The following C2CD2 variants were observed in gnomAD, a reference collection of about 807,000 sequenced individuals.
The protein encoded by C2CD2 is C2 domain-containing protein 2.
C2CD2 carries 43 observed loss-of-function variants against 74.3 expected under a neutral mutation model. The observed-to-expected ratio is 0.58, with a 90% confidence interval of 0.45 to 0.75. The LOEUF (loss-of-function observed/expected upper bound fraction) is 0.75. C2CD2 is among the 30% of genes least tolerant of loss of function. C2CD2 has a pLI of 0.00. For missense variants in C2CD2, 801 were observed against 916.3 expected (o/e 0.87, Z 1.63); for synonymous variants, 422 against 390.7 (o/e 1.08, Z -0.94).
intron 2 of C2CD2, among the ~76,000 whole-genome samples, chr21:41,930,875 G>A (rs1258558524): frequency 6.7e-6 from 1 of 150,048 alleles, no homozygotes; most frequent in African/African-American, 2.4e-5. Context: ...CCCCAGGGAA[G>A]GGGTCATGAA....
At chr21:41,898,983 G>A (rs1266299741) in intron 13 of C2CD2, 70 bp downstream of exon 13, 1 of 1,200,990 alleles carries the variant, frequency 8.3e-7, no homozygotes, top group Non-Finnish European at 1.2e-6. Context: ...GATGACTTCA[G>A]CTTGGAAGCC....
intron 12 of C2CD2, 39 bp downstream of exon 12, chr21:41,901,583 A>C: frequency 6.2e-7 from 1 of 1,605,586 alleles, no homozygotes; most frequent in Non-Finnish European, 8.5e-7. Flanking sequence ...TCACTGACAG[A>C]TGACCAGATG....
chr21:41,909,162 C>T (rs1406489076), intron 8 of C2CD2, among the ~76,000 whole-genome samples: 1 of 152,184 alleles, frequency 6.6e-6, no homozygotes, highest in Admixed American at 6.5e-5. Flanking sequence ...AAGGAGGTCT[C>T]TTGGAGCTAA....
intron 4 of C2CD2, 31 bp downstream of exon 4, chr21:41,918,825 A>G: frequency 6.5e-7 from 1 of 1,543,538 alleles, no homozygotes; most frequent in Non-Finnish European, 9.0e-7. Context: ...TCTCACGCCA[A>G]TGGAAGAATC....
Position 41,889,219 on chromosome 21 carries a change from C to T in C2CD2, c.1996G>A (p.Gly666Ser), listed in dbSNP as rs776387613. 1.9e-6 allele frequency: 3 copies of T among 1,613,792 alleles called. No individual in the cohort carries two copies. Among genetic ancestry groups the T allele is most frequent in the Non-Finnish European group, 2.5e-6 (3 of 1,180,028 alleles). The stretch of plus-strand genomic sequence containing the variant: ...TTCAGGATCCTGGTGAGGGTGATGC[C>T]TTTCCTCCGGGAACCCTCTGGCTGC... ...LEQPEGSRRKGITLTRILNKK... is the reference protein window; with the variant it reads ...LEQPEGSRRKSITLTRILNKK... The change falls in exon 14 of 14, where the codon GGC (glycine) becomes AGC (serine). Residue 666 changes from glycine to serine, a missense_variant. By Grantham distance (56) the Gly-to-Ser change is moderately conservative (BLOSUM62 0). Coordinates refer to ENST00000380486, the MANE Select transcript of C2CD2 (RefSeq NM_015500.2).
chr21:41,929,343 C>G lies in C2CD2; in HGVS notation c.379-7258G>C, dbSNP rs1033310928. 6.6e-6 allele frequency among the ~76,000 whole-genome samples: 1 copy of G among 152,202 alleles called. No homozygotes were observed. Among genetic ancestry groups the G allele is most frequent in the African/African-American group, 2.4e-5 (1 of 41,442 alleles). ...GCTCTCATGAGAAGGGATACAAGCT[C>G]TATACCCAGGGCCTGGGCACACCTG... On this transcript the variant is annotated intron_variant, in intron 2 of 13. Transcript: ENST00000380486. The surrounding 1 kb of genome is among the most constrained non-coding windows in gnomAD (Gnocchi z 4.6).
intron 1 of C2CD2, among the ~76,000 whole-genome samples, chr21:41,948,267 G>A (rs1193381828): frequency 6.6e-6 from 1 of 152,162 alleles, no homozygotes; most frequent in Non-Finnish European, 1.5e-5. Flanking sequence ...ACTGAGACCA[G>A]GGCCTGCCCC....
rs918415475 is a variant in C2CD2, at chr21:41,894,109, CT to C, written c.1871-4766del. Among the ~76,000 whole-genome samples, 70 of 152,354 alleles carry C rather than the reference CT, an allele frequency of 4.6e-4. 1 individual carries two copies. Among genetic ancestry groups the C allele is most frequent in the African/African-American group, 1.4e-3 (60 of 41,582 alleles). On this transcript the variant is annotated intron_variant, in intron 13 of 13. Coordinates refer to ENST00000380486, the MANE Select transcript of C2CD2 (RefSeq NM_015500.2). ...GTTTGTGTGACTTGCACACTTTCCC[CT>C]AACCTGATAATTTGTCACAGCTTCT...
Position 41,886,452 on chromosome 21 carries a change from C to T in C2CD2, c.*2672G>A, listed in dbSNP as rs189263536. 7.2e-5 allele frequency: 11 copies of T among 152,342 alleles called. No homozygotes were observed. The East Asian group carries it at 2.1e-3, about 29-fold the overall frequency. The allele number at this position is 152,342 out of a possible 1,614,324, so 9.4% of individuals were successfully genotyped here. On this transcript the variant is annotated 3_prime_UTR_variant, in exon 14 of 14. Coordinates refer to ENST00000380486, the MANE Select transcript of C2CD2 (RefSeq NM_015500.2). The stretch of plus-strand genomic sequence containing the variant: ...TTCACAGTATCAATACAGCCCATTT[C>T]TCACGGTGCTACCCTGAAGCTAGCC...
At position 41,918,383 on chromosome 21, in the gene C2CD2, G is replaced by C. The variant is rs575360516; in HGVS notation, c.598-156C>G. ...CTTTGCAAAAACTGTGGAAAGAAAG[G>C]ACGCCCTGCCCTTGGAAGCAGCCTT... is the stretch of plus-strand genomic sequence containing the variant. On this transcript the variant is annotated intron_variant, in intron 4 of 13. Coordinates refer to ENST00000380486, the MANE Select transcript of C2CD2 (RefSeq NM_015500.2). 2.0e-5 allele frequency among the ~76,000 whole-genome samples: 3 copies of C among 152,320 alleles called. No homozygotes were observed. In the South Asian group the frequency reaches 6.2e-4, roughly 32 times the overall value.
intron 12 of C2CD2, 167 bp downstream of exon 12, chr21:41,901,455 A>C: frequency 1.4e-6 from 1 of 733,186 alleles, no homozygotes; most frequent in South Asian, 1.6e-5. Flanking sequence ...TGTAAACACA[A>C]CACCACACAT....
chr21:41,949,710 T>C (rs2065434231), intron 1 of C2CD2, among the ~76,000 whole-genome samples: 1 of 152,212 alleles, frequency 6.6e-6, no homozygotes, highest in Non-Finnish European at 1.5e-5. Context: ...GCAGCATTAT[T>C]CCCAATAGCA....
Position 41,907,099 on chromosome 21 carries a change from A to G in C2CD2, c.1211T>C (p.Ile404Thr), listed in dbSNP as rs560232522. ...PIPPPVPAAKIEKDRTVMPCG... is the reference protein window; with the variant it reads ...PIPPPVPAAKTEKDRTVMPCG... ...GGGCATCACCGTGCGGTCCTTTTCT[A>G]TTTTTGCAGCAGGAACAGGGGGAGG... The change falls in exon 10 of 14, where the codon ATA becomes ACA. Residue 404 changes from isoleucine (I) to threonine (T), a missense_variant. Physicochemically the swap from Ile to Thr is moderately conservative, Grantham distance 89 (BLOSUM62 -1). Coordinates refer to ENST00000380486, the MANE Select transcript of C2CD2 (RefSeq NM_015500.2). 1.9e-6 allele frequency: 3 copies of G among 1,613,934 alleles called. No individual in the cohort carries two copies. Among genetic ancestry groups the G allele is most frequent in the South Asian group, 2.2e-5 (2 of 91,084 alleles).
rs574263830 is a variant in C2CD2 at position 41,889,181 on chromosome 21, G to A, written c.2034C>T (p.Leu678=). 8.1e-6 allele frequency: 13 copies of A among 1,612,888 alleles called. No homozygotes were observed. Among genetic ancestry groups the A allele is most frequent in the Non-Finnish European group, 1.1e-5 (13 of 1,180,046 alleles). Residue 678 remains leucine (L), a synonymous_variant, in exon 14 of 14, where the codon CTC becomes CTT. Coordinates refer to ENST00000380486, the MANE Select transcript of C2CD2 (RefSeq NM_015500.2). ...TGGTGTTCTTGTTTCTGTGCCTGGAGAGCAGCTTCTTGTTCAGGATCCTGG... is the reference window on the plus strand; with the variant it reads ...TGGTGTTCTTGTTTCTGTGCCTGGAAAGCAGCTTCTTGTTCAGGATCCTGG... ...TLTRILNKKL[L]SRHRNKNTMN... is the part of the protein sequence containing the mutation.
At chr21:41,942,099 C>A in intron 2 of C2CD2, 48 bp downstream of exon 2, 1 of 1,542,694 alleles carries the variant, frequency 6.5e-7, no homozygotes, top group South Asian at 1.2e-5. Flanking sequence ...TCCCCGTCCC[C>A]GGCATCAAGT....
Position 41,953,682 on chromosome 21 carries a change from C to A in C2CD2, c.-34G>T. On this transcript the variant is annotated 5_prime_UTR_variant, in exon 1 of 14. Coordinates refer to ENST00000380486, the MANE Select transcript of C2CD2 (RefSeq NM_015500.2). ...CCCGGCCCGCCTCGCCCCAACTTCC[C>A]CGGCAGCCCCGGGCCGGAACGGCGG... The A allele has an allele frequency of 7.3e-7, 1 of 1,369,472 alleles. No homozygotes were observed. Among genetic ancestry groups the A allele is most frequent in the Non-Finnish European group, 9.4e-7 (1 of 1,065,838 alleles). 84.8% of individuals were successfully genotyped at this position (1,369,472 alleles called of 1,614,324 possible). A position where few individuals can be genotyped will look rare whatever the true frequency, so the allele number is the denominator to read the frequency against.
intron 12 of C2CD2, 51 bp downstream of exon 12, chr21:41,901,571 G>C (rs2064897355): frequency 6.3e-7 from 1 of 1,599,954 alleles, no homozygotes; most frequent in African/African-American, 1.3e-5. Context: ...AGGAGCAGCA[G>C]GTCACTGACA....
intron 7 of C2CD2, among the ~76,000 whole-genome samples, chr21:41,911,447 A>G (rs2146177016): frequency 7.3e-6 from 1 of 136,272 alleles, no homozygotes; most frequent in Admixed American, 8.2e-5. Context: ...TGGAGTGTGC[A>G]GTGGTACAAT....
Position 41,899,081 on chromosome 21 carries a change from C to T in C2CD2, c.1842G>A (p.Leu614=). The T allele has an allele frequency of 1.2e-6, 2 of 1,613,934 alleles. No homozygotes were observed. Among genetic ancestry groups the T allele is most frequent in the East Asian group, 2.2e-5 (1 of 44,876 alleles). The part of the protein sequence containing the change: ...DELSESSMSV[L]EPGTAKKHKG... The stretch of plus-strand genomic sequence containing the variant: ...TATGCTTTTTGGCAGTGCCCGGCTC[C>T]AAGACACTCATGGAGCTCTCTGACA... The change falls in exon 13 of 14, where the codon TTG becomes TTA. Residue 614 remains leucine, a synonymous_variant. Transcript: ENST00000380486. This position sits in a 1 kb window ranked among gnomAD's most constrained non-coding sequence, Gnocchi z 4.4.
Sources: gnomAD v4.1 joint callset for allele counts (sites outside exome capture counted in the v4.1 genomes callset) on GRCh38, gnomAD v4.1.1 for gene constraint, Gnocchi (gnomAD v3.1) non-coding constraint, MANE v1.5 for transcripts, NCBI Gene and HGNC (gene_info 2026-07-23, HGNC 2026-07-21) for gene names.